The following CUL9 variants were observed in gnomAD, a reference collection of about 807,000 sequenced individuals.
The protein encoded by CUL9 is cullin 9, also known as cullin-9.
A neutral mutation model predicts 272.6 loss-of-function variants in CUL9; 79 were observed. That is an observed-to-expected ratio of 0.29 (90% CI 0.24 to 0.35). The LOEUF is 0.35. CUL9 is among the 10% of genes least tolerant of loss of function. CUL9 has a pLI of 1.00. For missense variants in CUL9, 2,532 were observed against 3,255.6 expected, an observed-to-expected ratio of 0.78 and a Z score of 5.41; for synonymous variants, 1,186 against 1,286.5, an observed-to-expected ratio of 0.92 and a Z score of 1.67.
chr6:43,214,996 A>G, intron 29 of CUL9, 83 bp from the exon 30 acceptor site: 1 of 1,477,084 alleles, frequency 6.8e-7, no homozygotes, highest in Admixed American at 2.3e-5. Flanking sequence ...GGGGGGGAAA[A>G]ATAAGTGGCA....
chr6:43,216,338 G>A lies in CUL9; in HGVS notation c.6117G>A (p.Leu2039=). Residue 2039 remains leucine (L), a synonymous_variant, in exon 31 of 41, where the codon CTG becomes CTA. Transcript: ENST00000252050. ...CCCACTGGGGCGCTGAACAGCTGCTGCAGAGCTACAGTGAGGACCCTGAGC... is the reference window on the plus strand; with the variant it reads ...CCCACTGGGGCGCTGAACAGCTGCTACAGAGCTACAGTGAGGACCCTGAGC... The part of the protein sequence containing the change: ...AHSHWGAEQL[L]QSYSEDPEPL... The A allele has an allele frequency of 6.2e-7, 1 of 1,614,202 alleles. No individual in the cohort carries two copies. Among genetic ancestry groups the A allele is most frequent in the Non-Finnish European group, 8.5e-7 (1 of 1,180,038 alleles).
Position 43,206,160 on chromosome 6 carries a change from C to T in CUL9, c.4947C>T (p.Leu1649=), listed in dbSNP as rs1295056240. Reference sequence around the variant, plus strand: ...AGGAGCTGCAGCGCCAGTTCCACCTCTTCCAGCTCCAGCGGCTCGACAAGT... The same window carrying T: ...AGGAGCTGCAGCGCCAGTTCCACCTTTTCCAGCTCCAGCGGCTCGACAAGT... ...TSEELQRQFH[L]FQLQRLDKLF... The change falls in exon 25 of 41, where the codon CTC becomes CTT. Residue 1649 remains leucine, a synonymous_variant. Transcript: ENST00000252050. The surrounding 1 kb of genome is among the most constrained non-coding windows in gnomAD (Gnocchi z 4.8). The T allele has an allele frequency of 6.2e-7, 1 of 1,613,966 alleles. No individual in the cohort carries two copies. The highest frequency in any genetic ancestry group is 1.7e-5 in the Admixed American group (1 of 59,980).
rs1774202923 is a variant in CUL9 at position 43,198,419 on chromosome 6, T to C, written c.2804-190T>C. 11 of 985,044 alleles carry C rather than the reference T, an allele frequency of 1.1e-5. No individual in the cohort carries two copies. The South Asian group carries it at 5.2e-4, about 46-fold the overall frequency. 61.0% of individuals were successfully genotyped at this position (985,044 alleles called of 1,614,324 possible). ...ACAGTGTTTGCTATACTAGGTTTTT[T>C]TTTCAAATCTGATTAGGTTTGTATT... On this transcript the variant is annotated intron_variant, in intron 11 of 40. Transcript: ENST00000252050.
Position 43,196,705 on chromosome 6 carries a change from C to T in CUL9, c.2646C>T (p.His882=), listed in dbSNP as rs138670741. 173 of 1,614,116 alleles carry T rather than the reference C, an allele frequency of 1.1e-4. No individual in the cohort carries two copies. The highest frequency in any genetic ancestry group is 1.3e-4 in the Admixed American group (8 of 60,008). Residue 882 remains histidine, a synonymous_variant, in exon 11 of 41, where the codon CAC becomes CAT. Transcript: ENST00000252050. Reference sequence around the variant, plus strand: ...TCAACCTACTTTTGTGCAACCACCACACTCTGGGAGACCAGATTATAACCC... The same window carrying T: ...TCAACCTACTTTTGTGCAACCACCATACTCTGGGAGACCAGATTATAACCC... ...LLLNLLLCNH[H]TLGDQIITQE...
Position 43,202,707 on chromosome 6 carries a change from C to T in CUL9, c.3648-9C>T. Reference sequence around the variant, plus strand: ...CCCAGCTTTGACTGTTTCCTTTCTTCTTTCCCAGGCAGCTCACTTTGCTGG... The same window carrying T: ...CCCAGCTTTGACTGTTTCCTTTCTTTTTTCCCAGGCAGCTCACTTTGCTGG... On this transcript the variant is annotated splice_polypyrimidine_tract_variant and intron_variant, in intron 16 of 40. Coordinates refer to ENST00000252050, the MANE Select transcript of CUL9 (RefSeq NM_015089.4). The T allele has an allele frequency of 6.2e-7, 1 of 1,613,424 alleles. No individual in the cohort carries two copies. The highest frequency in any genetic ancestry group is 8.5e-7 in the Non-Finnish European group (1 of 1,179,380).
intron 30 of CUL9, among the ~76,000 whole-genome samples, chr6:43,215,566 A>G (rs759971318): frequency 2.0e-5 from 3 of 152,220 alleles, no homozygotes; most frequent in Non-Finnish European, 4.4e-5. Flanking sequence ...TAAATATACA[A>G]ACTTTCAGGA....
chr6:43,184,916 G>A lies in CUL9; in HGVS notation c.595+11G>A. 4 of 1,573,736 alleles carry A rather than the reference G, an allele frequency of 2.5e-6. No individual in the cohort carries two copies. Among genetic ancestry groups the A allele is most frequent in the Non-Finnish European group, 2.6e-6 (3 of 1,159,862 alleles). On this transcript the variant is annotated intron_variant, in intron 2 of 40. Transcript: ENST00000252050. This position sits in a 1 kb window ranked among gnomAD's most constrained non-coding sequence, Gnocchi z 4.8. ...CAGCCCACGATGCTGGTAAGAGACA[G>A]CCAGGGAAGAAGGAAAGGAATGGAG...
chr6:43,209,302 C>T (rs557752938), intron 26 of CUL9, among the ~76,000 whole-genome samples: 5 of 152,064 alleles, frequency 3.3e-5, no homozygotes, highest in Admixed American at 6.6e-5. Flanking sequence ...CCTGCCACCA[C>T]GCCTGGCTAA....
At position 43,209,206 on chromosome 6, in the gene CUL9, C is replaced by T. The variant is rs142582168; in HGVS notation, c.5212+2696C>T. On this transcript the variant is annotated intron_variant, in intron 26 of 40. Coordinates refer to ENST00000252050, the MANE Select transcript of CUL9 (RefSeq NM_015089.4). ...TGTCGCCCAGGCTGGAGTGTAGTGG[C>T]GTGATCTCAGCTCACTGCAAGCTCT... is the stretch of plus-strand genomic sequence containing the variant. Among the ~76,000 whole-genome samples, 39 of 146,704 alleles carry T rather than the reference C, an allele frequency of 2.7e-4. No individual in the cohort carries two copies. In the East Asian group the frequency reaches 5.2e-3, roughly 20 times the overall value.
intron 9 of CUL9, among the ~76,000 whole-genome samples, chr6:43,194,196 T>C (rs556566747): frequency 1.3e-5 from 2 of 152,114 alleles, no homozygotes; most frequent in Non-Finnish European, 2.9e-5. Context: ...TGGATTCCAG[T>C]AGTATAATGG....
intron 31 of CUL9, among the ~76,000 whole-genome samples, chr6:43,217,246 A>C (rs540499877): frequency 2.0e-5 from 3 of 152,146 alleles, no homozygotes; most frequent in African/African-American, 7.2e-5. Flanking sequence ...AGTCCCAGCT[A>C]CTTGGGAGGC....
At chr6:43,189,173 T>C (rs536428684) in intron 8 of CUL9, among the ~76,000 whole-genome samples, 2 of 152,090 alleles carry the variant, frequency 1.3e-5, no homozygotes, top group East Asian at 1.9e-4. Context: ...AAACCTACTT[T>C]ATTTTAAATT....
rs1345110486 is a variant in CUL9 at position 43,200,916 on chromosome 6, A to C, written c.3647+82A>C. The C allele has an allele frequency of 6.4e-7, 1 of 1,553,198 alleles. No homozygotes were observed. The highest frequency in any genetic ancestry group is 8.8e-7 in the Non-Finnish European group (1 of 1,130,998). On this transcript the variant is annotated intron_variant, in intron 16 of 40. Coordinates refer to ENST00000252050, the MANE Select transcript of CUL9 (RefSeq NM_015089.4). This position sits in a 1 kb window ranked among gnomAD's most constrained non-coding sequence, Gnocchi z 4.0. ...CCCAGATACACACAACCCCAGCTAT[A>C]ACCCCAATGCCTGAGGGACACACTC...
In CUL9 at chr6:43,213,395, T is replaced by G; in HGVS notation, c.5359-43T>G. The G allele has an allele frequency of 6.2e-7, 1 of 1,611,904 alleles. No homozygotes were observed. Among genetic ancestry groups the G allele is most frequent in the Non-Finnish European group, 8.5e-7 (1 of 1,178,360 alleles). On this transcript the variant is annotated intron_variant, in intron 27 of 40. Coordinates refer to ENST00000252050, the MANE Select transcript of CUL9 (RefSeq NM_015089.4). This position sits in a 1 kb window ranked among gnomAD's most constrained non-coding sequence, Gnocchi z 5.7. ...TCCTTCATCCTTACTCCCCTCTTCC[T>G]TTTCTTTCCTTTGACTCCTGACTGG...
chr6:43,219,754 G>A (rs1272147538), intron 31 of CUL9, among the ~76,000 whole-genome samples: 2 of 152,176 alleles, frequency 1.3e-5, no homozygotes, highest in Admixed American at 6.5e-5. Context: ...ACGGCTGCTC[G>A]TGCATAGACC....
At position 43,203,719 on chromosome 6, in the gene CUL9, G is replaced by T. The variant is rs1481574457; in HGVS notation, c.4025+127G>T. ...GACATGAGGGGGAAGGTGAACGTAG[G>T]TGAGAAGTTTGTGTTAATTGGGAAA... On this transcript the variant is annotated intron_variant, in intron 19 of 40. Transcript: ENST00000252050. This position sits in a 1 kb window ranked among gnomAD's most constrained non-coding sequence, Gnocchi z 5.0. 6.6e-6 allele frequency: 10 copies of T among 1,508,398 alleles called. No homozygotes were observed. The highest frequency in any genetic ancestry group is 7.2e-6 in the Non-Finnish European group (8 of 1,117,884). 93.4% of individuals were successfully genotyped at this position (1,508,398 alleles called of 1,614,324 possible). A position where few individuals can be genotyped will look rare whatever the true frequency, so the allele number is the denominator to read the frequency against.
chr6:43,210,004 G>A (rs1775346293), intron 26 of CUL9, among the ~76,000 whole-genome samples: 1 of 151,714 alleles, frequency 6.6e-6, no homozygotes, highest in African/African-American at 2.4e-5. Context: ...TTGAGATGGA[G>A]GCTTGCTCTG....
intron 16 of CUL9, among the ~76,000 whole-genome samples, chr6:43,202,261 G>C (rs1438421978): frequency 1.3e-5 from 2 of 152,192 alleles, no homozygotes; most frequent in African/African-American, 4.8e-5. Flanking sequence ...TGATGACTCT[G>C]AGGTGCCTGT....
chr6:43,184,267 T>C lies in CUL9; in HGVS notation c.-9-35T>C. 4.4e-6 allele frequency: 6 copies of C among 1,375,344 alleles called. No homozygotes were observed. Among genetic ancestry groups the C allele is most frequent in the Non-Finnish European group, 5.7e-6 (6 of 1,050,292 alleles). 85.2% of individuals were successfully genotyped at this position (1,375,344 alleles called of 1,614,324 possible). A position where few individuals can be genotyped will look rare whatever the true frequency, so the allele number is the denominator to read the frequency against. On this transcript the variant is annotated intron_variant, in intron 1 of 40. Transcript: ENST00000252050. The surrounding 1 kb of genome is among the most constrained non-coding windows in gnomAD (Gnocchi z 4.8). ...CCCTCCATGTATTTTTTTTCTTTTC[T>C]CATACTGCCTTATCTTTCTCCTTGT...
Sources: gnomAD v4.1 joint callset for allele counts (sites outside exome capture counted in the v4.1 genomes callset) on GRCh38, gnomAD v4.1.1 for gene constraint, Gnocchi (gnomAD v3.1) non-coding constraint, MANE v1.5 for transcripts, NCBI Gene and HGNC (gene_info 2026-07-23, HGNC 2026-07-21) for gene names.